Variants in TARBP1 observed in about 807,000 individuals in gnomAD.
TARBP1 encodes tRNA guanosine 2 -O-methyltransferase TARBP1.
TARBP1 carries 144 observed loss-of-function variants against 178.6 expected under a neutral mutation model. That is an observed-to-expected ratio of 0.81 (90% confidence interval 0.70 to 0.93). TARBP1 has a LOEUF of 0.93. TARBP1 is among the 40% of genes least tolerant of loss of function. The pLI, the probability that TARBP1 is intolerant of heterozygous loss-of-function variation, is 0.00. For synonymous variants in TARBP1, 787 were observed against 781.0 expected (o/e 1.01, Z -0.13); for missense variants, 2,067 against 2,011.7 (o/e 1.03, Z -0.53).
intron 3 of TARBP1, among the ~76,000 whole-genome samples, chr1:234,469,520 C>A (rs1005120468): frequency 1.3e-5 from 2 of 152,194 alleles, no homozygotes; most frequent in Non-Finnish European, 2.9e-5. Flanking sequence ...TGCTTATGGT[C>A]TGTGAAAAAT....
chr1:234,460,475 A>T, intron 6 of TARBP1, 79 bp from the exon 7 acceptor site: 1 of 1,467,820 alleles, frequency 6.8e-7, no homozygotes, highest in Non-Finnish European at 9.3e-7. Flanking sequence ...GTATTAGGGA[A>T]ATACAAGTCA....
intron 8 of TARBP1, among the ~76,000 whole-genome samples, chr1:234,458,363 TTTTCAA>T (rs1292526640): frequency 6.6e-6 from 1 of 152,042 alleles, no homozygotes; most frequent in Non-Finnish European, 1.5e-5. Flanking sequence ...AAAGTGATTA[TTTTCAA>T]TGCCATAAAA....
In TARBP1 at chr1:234,451,748, CA is replaced by C. The variant is rs766485621; in HGVS notation, c.1723-1183del. Among the ~76,000 whole-genome samples, 20 of 6,618 alleles carry C rather than the reference CA, an allele frequency of 3.0e-3. 3 individuals are homozygous for C. The highest frequency in any genetic ancestry group is 8.0e-3 in the African/African-American group (6 of 746). The allele number at this position is 6,618 out of a possible 152,430, so 4.3% of individuals were successfully genotyped here. A position where few individuals can be genotyped will look rare whatever the true frequency, so the allele number is the denominator to read the frequency against. ...TGGGCGACAGAGCGAGACTCCGTCT[CA>C]AAAAAAAAAAAAAAAAATGATGAAT... On this transcript the variant is annotated intron_variant, in intron 9 of 29. Transcript: ENST00000040877.
intron 9 of TARBP1, among the ~76,000 whole-genome samples, chr1:234,452,877 T>TA (rs34827804): frequency 0.034 from 4,820 of 143,326 alleles, 110 homozygotes; most frequent in Non-Finnish European, 0.047. Flanking sequence ...TAGTAAGCAC[T>TA]AAAAAAAAAA....
chr1:234,429,536 C>A lies in TARBP1; in HGVS notation c.2751G>T (p.Pro917=), dbSNP rs138456953. The change falls in exon 16 of 30, where the codon CCG becomes CCT. Residue 917 remains proline (P), a synonymous_variant. Coordinates refer to ENST00000040877, the MANE Select transcript of TARBP1 (RefSeq NM_005646.4). ...TTGGCATCTGAACGGCAGGTAGAAA[C>A]GGTTCCAGAATTTCACTCCCTGTGG... ...IPTTGSEILE[P]FLPAVQMPIR... The A allele has an allele frequency of 6.2e-7, 1 of 1,614,096 alleles. No homozygotes were observed. Among genetic ancestry groups the A allele is most frequent in the East Asian group, 2.2e-5 (1 of 44,880 alleles).
At chr1:234,408,006 AG>A (rs1172831461) in intron 23 of TARBP1, 7 of 152,184 alleles carry the variant, frequency 4.6e-5, no homozygotes, top group African/African-American at 1.7e-4. Context: ...TAGGGAAAAC[AG>A]TGCTTCCTAT....
chr1:234,457,561 T>TA, intron 9 of TARBP1, 106 bp downstream of exon 9: 1 of 703,526 alleles, frequency 1.4e-6, no homozygotes, highest in South Asian at 1.9e-5. Flanking sequence ...TGCTGACAGA[T>TA]AACAAAGCAA....
intron 1 of TARBP1, among the ~76,000 whole-genome samples, chr1:234,474,904 T>G (rs1461586505): frequency 6.6e-6 from 1 of 152,162 alleles, no homozygotes. Context: ...GCATCAGAAC[T>G]GAGGTCACAA....
At chr1:234,402,565 T>C (rs12029312) in intron 24 of TARBP1, among the ~76,000 whole-genome samples, 25,543 of 151,732 alleles carry the variant, frequency 0.17, 2,571 homozygotes, top group East Asian at 0.37. Context: ...CCTATCCACA[T>C]TTGGACTTTG....
chr1:234,471,313 A>T, intron 2 of TARBP1, 56 bp from the exon 3 acceptor site: 2 of 1,195,504 alleles, frequency 1.7e-6, no homozygotes, highest in South Asian at 1.3e-5. Flanking sequence ...GAAAAATGTC[A>T]GGCAATTTTC....
chr1:234,471,852 A>G lies in TARBP1; in HGVS notation c.1030-595T>C, dbSNP rs76327086. On this transcript the variant is annotated intron_variant, in intron 2 of 29. Transcript: ENST00000040877. ...TTACTCCTCATCCTTGCATCTATAT[A>G]TATTTAGCACATATAAGTAATTATT... Among the ~76,000 whole-genome samples, 1,380 of 152,234 alleles carry G rather than the reference A, an allele frequency of 9.1e-3. 19 individuals are homozygous for G. Among genetic ancestry groups the G allele is most frequent in the African/African-American group, 0.031 (1,305 of 41,512 alleles).
At chr1:234,414,813 A>C (rs1475848511) in intron 22 of TARBP1, among the ~76,000 whole-genome samples, 1 of 152,060 alleles carries the variant, frequency 6.6e-6, no homozygotes, top group Non-Finnish European at 1.5e-5. Context: ...GGTAAAACCC[A>C]TCTCTACTAA....
intron 4 of TARBP1, among the ~76,000 whole-genome samples, chr1:234,466,687 A>AC (rs1668475653): frequency 6.6e-6 from 1 of 152,004 alleles, no homozygotes; most frequent in South Asian, 2.1e-4. Context: ...AGATGGTGGA[A>AC]CCCCATCTCC....
At chr1:234,392,593 A>G in intron 28 of TARBP1, 41 bp from the exon 29 acceptor site, 1 of 1,592,348 alleles carries the variant, frequency 6.3e-7, no homozygotes, top group Non-Finnish European at 8.6e-7. Context: ...TCATTCAGTT[A>G]TAGCCCTGCT....
At position 234,418,244 on chromosome 1, in the gene TARBP1, A is replaced by G. The variant is rs776761031; in HGVS notation, c.3556-11T>C. 1 of 1,547,178 alleles carries G rather than the reference A, an allele frequency of 6.5e-7. No homozygotes were observed. Among genetic ancestry groups the G allele is most frequent in the Non-Finnish European group, 8.6e-7 (1 of 1,159,750 alleles). On this transcript the variant is annotated splice_polypyrimidine_tract_variant and intron_variant, in intron 21 of 29. Transcript: ENST00000040877. ...TCCATTCAAGAAATTCTGAGAAAAA[A>G]AGTTCACAATTAACCAGTTACAGTT...
intron 9 of TARBP1, 111 bp from the exon 10 acceptor site, chr1:234,450,677 C>A: frequency 2.4e-6 from 3 of 1,227,226 alleles, no homozygotes; most frequent in Non-Finnish European, 3.4e-6. Context: ...TTTAAATAAT[C>A]GAATACAAAG....
intron 17 of TARBP1, 100 bp from the exon 18 acceptor site, chr1:234,427,866 C>T (rs1282020179): frequency 1.4e-5 from 10 of 736,572 alleles, no homozygotes; most frequent in Non-Finnish European, 1.9e-5. Flanking sequence ...CATGAACAGT[C>T]TAAAAACTGT....
intron 10 of TARBP1, among the ~76,000 whole-genome samples, chr1:234,448,851 G>C (rs1666448622): frequency 6.6e-6 from 1 of 152,198 alleles, no homozygotes; most frequent in African/African-American, 2.4e-5. Context: ...ATGGAATTTA[G>C]AGTACAGGAG....
chr1:234,439,451 C>CCA (rs1311649470), intron 12 of TARBP1, among the ~76,000 whole-genome samples: 4 of 151,878 alleles, frequency 2.6e-5, no homozygotes, highest in Non-Finnish European at 4.4e-5. Flanking sequence ...CCTAAGGCAA[C>CCA]CACACACACA....
Sources: allele counts gnomAD v4.1 joint callset (sites outside exome capture counted in the v4.1 genomes callset), GRCh38; gene constraint gnomAD v4.1.1; transcripts MANE v1.5; gene names NCBI Gene and HGNC (gene_info 2026-07-23, HGNC 2026-07-21).